VWA3B: variants seen among roughly 807,000 people sequenced by gnomAD.
The protein encoded by VWA3B is von Willebrand factor A domain containing 3B, also known as von Willebrand factor A domain-containing protein 3B.
A neutral mutation model predicts 158.3 loss-of-function variants in VWA3B; 138 were observed. The observed-to-expected ratio is 0.87, with a 90% CI of 0.76 to 1.00. The LOEUF is 1.00. Ranked by LOEUF, VWA3B falls within the 50% of genes least tolerant of loss-of-function variation. VWA3B has a pLI of 0.00. For synonymous variants in VWA3B, 596 were observed against 587.3 expected (o/e 1.01, Z -0.21); for missense variants, 1,555 against 1,565.1 (o/e 0.99, Z 0.11).
chr2:98,275,913 C>G (rs1407901122), intron 22 of VWA3B, among the ~76,000 whole-genome samples: 2 of 152,176 alleles, frequency 1.3e-5, no homozygotes, highest in Non-Finnish European at 2.9e-5. Context: ...CAGATCTTCA[C>G]TGGGAAGGCA....
At chr2:98,218,141 CA>C in intron 14 of VWA3B, 113 bp downstream of exon 14, 13 of 1,189,306 alleles carry the variant, frequency 1.1e-5, no homozygotes, top group Admixed American at 2.9e-5. Flanking sequence ...ATAACTAAGT[CA>C]AAAAAATGAG....
At chr2:98,307,324 A>T (rs1690585506) in intron 26 of VWA3B, among the ~76,000 whole-genome samples, 1 of 152,180 alleles carries the variant, frequency 6.6e-6, no homozygotes, top group Non-Finnish European at 1.5e-5. Context: ...CCCGGTTTCC[A>T]TTGGCTGGAA....
intron 8 of VWA3B, among the ~76,000 whole-genome samples, 185 bp downstream of exon 8, chr2:98,163,161 ATGTGTG>A (rs148830268): frequency 2.0e-5 from 3 of 151,410 alleles, no homozygotes; most frequent in Non-Finnish European, 4.4e-5. Flanking sequence ...ATGCATGGAC[ATGTGTG>A]TGTGTGTGTG....
At chr2:98,122,120 G>A (rs1675016264) in intron 5 of VWA3B, 1 of 152,348 alleles carries the variant, frequency 6.6e-6, no homozygotes, top group African/African-American at 2.4e-5. Context: ...GGTGTGTTAT[G>A]TCTCTTTGAG....
At chr2:98,269,054 C>T (rs1558745905) in intron 21 of VWA3B, among the ~76,000 whole-genome samples, 1 of 152,072 alleles carries the variant, frequency 6.6e-6, no homozygotes, top group Non-Finnish European at 1.5e-5. Context: ...TTCTTTGGGA[C>T]CAATTTCTAA....
At chr2:98,290,687 T>G in intron 23 of VWA3B, 65 bp downstream of exon 23, 1 of 1,135,852 alleles carries the variant, frequency 8.8e-7, no homozygotes, top group Non-Finnish European at 1.3e-6. Context: ...GGACAAGAAG[T>G]TTCAACCTGT....
chr2:98,224,949 C>T (rs1684797106), intron 14 of VWA3B, among the ~76,000 whole-genome samples: 1 of 150,616 alleles, frequency 6.6e-6, no homozygotes, highest in African/African-American at 2.4e-5. Context: ...TCCATATATA[C>T]AAGAATATTT....
At chr2:98,159,305 G>C (rs915610347) in intron 7 of VWA3B, among the ~76,000 whole-genome samples, 22 of 152,080 alleles carry the variant, frequency 1.4e-4, no homozygotes, top group African/African-American at 4.6e-4. Context: ...TGTCACCCAG[G>C]CTGGAGTGCA....
chr2:98,255,415 G>GTCA (rs201475883), intron 20 of VWA3B, among the ~76,000 whole-genome samples: 20,159 of 151,506 alleles, frequency 0.13, 2,032 homozygotes, highest in Non-Finnish European at 0.2. Context: ...GCCTGCTTTT[G>GTCA]GGTAATGATG....
chr2:98,094,622 A>T (rs1001139121), intron 2 of VWA3B, among the ~76,000 whole-genome samples: 24 of 151,524 alleles, frequency 1.6e-4, no homozygotes, highest in African/African-American at 5.8e-4. Flanking sequence ...GAAACTTTTT[A>T]CTTTGATGTA....
intron 20 of VWA3B, among the ~76,000 whole-genome samples, chr2:98,254,730 A>G (rs1687005624): frequency 6.6e-6 from 1 of 152,214 alleles, no homozygotes; most frequent in Non-Finnish European, 1.5e-5. Context: ...AAAGTTGGGC[A>G]CTGGCCCAAA....
the VWA3B span, among the ~76,000 whole-genome samples, chr2:98,320,456 G>T: frequency 6.6e-6 from 1 of 152,324 alleles, no homozygotes; most frequent in East Asian, 1.9e-4. Context: ...ACAGGCAGAG[G>T]TTGGAACAGT....
intron 1 of VWA3B, among the ~76,000 whole-genome samples, chr2:98,088,593 G>A (rs1386856813): frequency 1.3e-5 from 2 of 152,044 alleles, no homozygotes; most frequent in Admixed American, 6.6e-5. Flanking sequence ...TGGTTCTTGG[G>A]ATGGCCTCTA....
intron 12 of VWA3B, among the ~76,000 whole-genome samples, chr2:98,209,729 A>C (rs1393194700): frequency 6.6e-6 from 1 of 152,152 alleles, no homozygotes; most frequent in East Asian, 1.9e-4. Context: ...TGGTATTGGC[A>C]TCAGTGGGTT....
At chr2:98,282,080 C>T (rs964214587) in intron 22 of VWA3B, among the ~76,000 whole-genome samples, 7 of 152,154 alleles carry the variant, frequency 4.6e-5, no homozygotes, top group East Asian at 1.9e-4. Context: ...GTTAACTGTA[C>T]GGCACCCCGA....
intron 14 of VWA3B, among the ~76,000 whole-genome samples, chr2:98,220,108 G>A (rs1364900295): frequency 2.1e-5 from 3 of 140,452 alleles, no homozygotes; most frequent in Non-Finnish European, 4.6e-5. Flanking sequence ...AGGCTGCAGT[G>A]AGCCGAGATC....
chr2:98,264,905 T>C (rs1255174407), intron 21 of VWA3B, among the ~76,000 whole-genome samples: 1 of 152,150 alleles, frequency 6.6e-6, no homozygotes, highest in African/African-American at 2.4e-5. Flanking sequence ...GCACATATAA[T>C]TGTTATATCC....
In VWA3B at chr2:98,298,010, C is replaced by T. The variant is rs1689919244; in HGVS notation, c.3261C>T (p.Ala1087=). The change falls in exon 24 of 28, where the codon GCC becomes GCT. Residue 1087 remains alanine, a synonymous_variant. Transcript: ENST00000477737. ...STSFITPVGG[A]MPCPLLQVGD... ...CCTTCATCACGCCTGTGGGGGGCGCCATGCCCTGCCCGCTGCTCCAGGTAC... is the reference window on the plus strand; with the variant it reads ...CCTTCATCACGCCTGTGGGGGGCGCTATGCCCTGCCCGCTGCTCCAGGTAC... The T allele has an allele frequency of 6.4e-7, 1 of 1,574,178 alleles. No homozygotes were observed. The highest frequency in any genetic ancestry group is 8.6e-7 in the Non-Finnish European group (1 of 1,160,748).
chr2:98,290,540 G>T lies in VWA3B; in HGVS notation c.3075G>T (p.Lys1025Asn). 2 of 1,581,030 alleles carry T rather than the reference G, an allele frequency of 1.3e-6. No homozygotes were observed. The highest frequency in any genetic ancestry group is 8.5e-7 in the Non-Finnish European group (1 of 1,171,212). Residue 1025 changes from lysine (K) to asparagine (N), a missense_variant, in exon 23 of 28, where the codon AAG becomes AAT. By Grantham distance (94) the Lys-to-Asn change is moderately conservative. Coordinates refer to ENST00000477737, the MANE Select transcript of VWA3B (RefSeq NM_144992.5). ...EQQKLQGNPT[K>N]KTKSKRPDPL... The stretch of plus-strand genomic sequence containing the variant: ...AGAAATTGCAAGGAAATCCAACAAA[G>T]AAAACCAAATCAAAAAGACCAGATC...
Sources: allele counts gnomAD v4.1 joint callset (sites outside exome capture counted in the v4.1 genomes callset), GRCh38; gene constraint gnomAD v4.1.1; transcripts MANE v1.5; gene names NCBI Gene and HGNC (gene_info 2026-07-23, HGNC 2026-07-21).